ACKR3: variants seen among roughly 807,000 people sequenced by gnomAD.
The protein encoded by ACKR3 is atypical chemokine receptor 3.
ACKR3 carries 6 observed loss-of-function variants against 22.4 expected under a neutral mutation model. The observed-to-expected ratio is 0.27, with a 90% CI of 0.15 to 0.53. ACKR3 has a LOEUF of 0.53. Ranked by LOEUF, ACKR3 falls within the 20% of genes least tolerant of loss-of-function variation. The pLI is 0.96. For missense variants in ACKR3, 396 were observed against 475.2 expected (o/e 0.83, Z 1.55); for synonymous variants, 209 against 205.2 (o/e 1.02, Z -0.16).
At chr2:236,555,250 C>T in the ACKR3 span, among the ~76,000 whole-genome samples, 1 of 152,184 alleles carries the variant, frequency 6.6e-6, no homozygotes, top group African/African-American at 2.4e-5. Flanking sequence ...CACATCTTAC[C>T]TCTGTGACAA....
rs536639677 is a variant in ACKR3, at chr2:236,569,942, G to C, written c.-27+18G>C. 6.5e-6 allele frequency: 1 copy of C among 152,720 alleles called. No individual in the cohort carries two copies. The highest frequency in any genetic ancestry group is 2.1e-4 in the South Asian group (1 of 4,832). The allele number at this position is 152,720 out of a possible 1,614,324, so 9.5% of individuals were successfully genotyped here. A position where few individuals can be genotyped will look rare whatever the true frequency, so the allele number is the denominator to read the frequency against. The stretch of plus-strand genomic sequence containing the variant: ...GCCCGGAGGTAAGGAAACGGTGCTC[G>C]GGCAGCAGCTCTGCTCGGAAAGAAG... On this transcript the variant is annotated intron_variant, in intron 1 of 1. Coordinates refer to ENST00000272928, the MANE Select transcript of ACKR3 (RefSeq NM_020311.3).
chr2:236,554,548 G>T, the ACKR3 span, among the ~76,000 whole-genome samples: 21 of 152,176 alleles, frequency 1.4e-4, no homozygotes, highest in Non-Finnish European at 2.8e-4. Flanking sequence ...CAGGGCTGAG[G>T]TTTAGGTTTT....
chr2:236,562,617 C>T, the ACKR3 span, among the ~76,000 whole-genome samples: 1 of 152,044 alleles, frequency 6.6e-6, no homozygotes, highest in Admixed American at 6.6e-5. Flanking sequence ...CCTCCAGGGA[C>T]AGCAGTGTCC....
chr2:236,557,229 T>C, the ACKR3 span, among the ~76,000 whole-genome samples: 2 of 151,702 alleles, frequency 1.3e-5, no homozygotes, highest in African/African-American at 2.4e-5. Context: ...AATACAGATA[T>C]GTGCATATAT....
chr2:236,573,658 GTTATC>G (rs1001004910), intron 1 of ACKR3, among the ~76,000 whole-genome samples: 3 of 152,334 alleles, frequency 2.0e-5, no homozygotes, highest in Middle Eastern at 3.4e-3. Flanking sequence ...CCTGGCCTGA[GTTATC>G]TTATCTATAC....
At chr2:236,569,036 G>A (rs968939253), upstream of ACKR3, among the ~76,000 whole-genome samples, 2 of 152,170 alleles carry the variant, frequency 1.3e-5, no homozygotes, top group African/African-American at 4.8e-5. Flanking sequence ...ATTCCTCCGT[G>A]GGGGGAACTT....
the ACKR3 span, among the ~76,000 whole-genome samples, chr2:236,556,322 C>A: frequency 6.6e-6 from 1 of 152,094 alleles, no homozygotes; most frequent in Non-Finnish European, 1.5e-5. Flanking sequence ...TGAATAAGAG[C>A]CCCCAGAGAG....
the ACKR3 span, among the ~76,000 whole-genome samples, chr2:236,560,316 C>CT: frequency 0.044 from 5,170 of 118,728 alleles, 309 homozygotes; most frequent in African/African-American, 0.12. Flanking sequence ...CACTTGTTGC[C>CT]TTTTTTTTTT....
chr2:236,552,297 A>G, the ACKR3 span, among the ~76,000 whole-genome samples: 1 of 152,192 alleles, frequency 6.6e-6, no homozygotes, highest in African/African-American at 2.4e-5. Context: ...CGGAGGGGAC[A>G]GATGCTGGGG....
At chr2:236,556,521 G>C in the ACKR3 span, among the ~76,000 whole-genome samples, 140 of 152,242 alleles carry the variant, frequency 9.2e-4, no homozygotes, top group African/African-American at 3.2e-3. Context: ...AGCAGAGGTT[G>C]GAGCGATTCG....
chr2:236,564,751 T>C (rs538555027), upstream of ACKR3, among the ~76,000 whole-genome samples: 50 of 152,328 alleles, frequency 3.3e-4, no homozygotes, highest in African/African-American at 1.2e-3. Context: ...TAAGAATATA[T>C]TTTTTCTGTG....
upstream of ACKR3, among the ~76,000 whole-genome samples, chr2:236,568,149 G>A (rs1321193555): frequency 6.6e-6 from 1 of 152,210 alleles, no homozygotes; most frequent in East Asian, 1.9e-4. Flanking sequence ...TTCTTCCAGC[G>A]ACAGTACACT....
intron 1 of ACKR3, among the ~76,000 whole-genome samples, chr2:236,578,584 G>A (rs1691460451): frequency 1.3e-5 from 2 of 152,328 alleles, no homozygotes; most frequent in South Asian, 4.1e-4. Context: ...TCACGAGGAG[G>A]GGACCCCACA....
At chr2:236,540,664 T>C in the ACKR3 span, among the ~76,000 whole-genome samples, 1 of 152,224 alleles carries the variant, frequency 6.6e-6, no homozygotes, top group Admixed American at 6.5e-5. Flanking sequence ...TTGGAATGAA[T>C]TTAATGTGTG....
the ACKR3 span, among the ~76,000 whole-genome samples, chr2:236,554,446 A>G: frequency 2.6e-5 from 4 of 152,216 alleles, no homozygotes; most frequent in African/African-American, 9.6e-5. Flanking sequence ...AAAGAAGTAA[A>G]CAGAACTCTA....
chr2:236,576,502 G>A (rs182105919), intron 1 of ACKR3, among the ~76,000 whole-genome samples: 27 of 152,330 alleles, frequency 1.8e-4, no homozygotes, highest in African/African-American at 5.3e-4. Flanking sequence ...AGAACCAGGG[G>A]CCCTGGGTAC....
rs202062495 is a variant in ACKR3, at chr2:236,581,582, T to C, written c.*28T>C. ...TGCCCTGGAGAGGCTCTGGGACGGG[T>C]TTACTTGTTTTTGAACAGGGTGATG... On this transcript the variant is annotated 3_prime_UTR_variant, in exon 2 of 2. Coordinates refer to ENST00000272928, the MANE Select transcript of ACKR3 (RefSeq NM_020311.3). The surrounding 1 kb of genome is among the most constrained non-coding windows in gnomAD (Gnocchi z 4.4). 5.7e-6 allele frequency: 9 copies of C among 1,592,912 alleles called. No individual in the cohort carries two copies. The Admixed American group carries it at 1.5e-4, about 27-fold the overall frequency.
the ACKR3 span, among the ~76,000 whole-genome samples, chr2:236,553,204 C>A: frequency 6.6e-5 from 10 of 152,134 alleles, no homozygotes; most frequent in South Asian, 2.1e-4. Context: ...CCTCCTCCCC[C>A]CTGCTGAGGG....
chr2:236,580,346 G>T (rs978986622), intron 1 of ACKR3, 94 bp from the exon 2 acceptor site: 55 of 1,361,790 alleles, frequency 4.0e-5, no homozygotes, highest in Non-Finnish European at 5.3e-5. Flanking sequence ...AGCCTATCAG[G>T]GCCTTGGAAA....
Sources: allele counts gnomAD v4.1 joint callset (sites outside exome capture counted in the v4.1 genomes callset), GRCh38; gene constraint gnomAD v4.1.1; non-coding constraint Gnocchi (gnomAD v3.1); transcripts MANE v1.5; gene names NCBI Gene and HGNC (gene_info 2026-07-23, HGNC 2026-07-21).